ABCC4: variants seen among roughly 807,000 people sequenced by gnomAD.
The protein encoded by ABCC4 is ATP binding cassette subfamily C member 4 (PEL blood group).
ABCC4 carries 102 observed loss-of-function variants against 168.5 expected under a neutral mutation model. The observed-to-expected ratio is 0.61, with a 90% CI of 0.52 to 0.71. The LOEUF (loss-of-function observed/expected upper bound fraction) is 0.71. ABCC4 is among the 30% of genes least tolerant of loss of function. ABCC4 has a pLI of 0.00. For missense variants in ABCC4, 1,402 were observed against 1,605.8 expected, an observed-to-expected ratio of 0.87 and a Z score of 2.17; for synonymous variants, 617 against 590.7, an observed-to-expected ratio of 1.04 and a Z score of -0.65.
chr13:95,098,349 T>C (rs978092097), intron 20 of ABCC4, among the ~76,000 whole-genome samples: 7 of 151,684 alleles, frequency 4.6e-5, no homozygotes, highest in Admixed American at 3.3e-4. Flanking sequence ...TTAAAAAATA[T>C]AAGAAATTAA....
intron 19 of ABCC4, among the ~76,000 whole-genome samples, chr13:95,118,505 A>C (rs1486202994): frequency 6.6e-6 from 1 of 152,136 alleles, no homozygotes; most frequent in Admixed American, 6.5e-5. Context: ...CAGCCTCCCA[A>C]AGTGCTGGGA....
At chr13:95,105,130 A>ATGAT (rs2034957989) in intron 20 of ABCC4, among the ~76,000 whole-genome samples, 1 of 151,728 alleles carries the variant, frequency 6.6e-6, no homozygotes, top group Non-Finnish European at 1.5e-5. Flanking sequence ...ACAATGACAG[A>ATGAT]TGATCAGGCA....
At chr13:95,103,063 G>A (rs576870601) in intron 20 of ABCC4, among the ~76,000 whole-genome samples, 1 of 150,988 alleles carries the variant, frequency 6.6e-6, no homozygotes, top group Non-Finnish European at 1.5e-5. Context: ...TCAGGAGTTC[G>A]AGACCAGCCG....
chr13:95,280,572 TAAAAAAAAA>T (rs61654581), intron 1 of ABCC4, among the ~76,000 whole-genome samples: 1 of 131,032 alleles, frequency 7.6e-6, no homozygotes, highest in Admixed American at 7.8e-5. Context: ...TGCCTTCTAT[TAAAAAAAAA>T]AAAAAAAAAA....
chr13:95,193,421 T>C (rs1566511900), intron 9 of ABCC4, among the ~76,000 whole-genome samples: 1 of 152,300 alleles, frequency 6.6e-6, no homozygotes, highest in East Asian at 1.9e-4. Context: ...GCCACTGGGC[T>C]CTGCTCCTGG....
chr13:95,127,709 G>GCCCTTAT (rs748614681), intron 19 of ABCC4, among the ~76,000 whole-genome samples: 59 of 152,122 alleles, frequency 3.9e-4, no homozygotes, highest in Non-Finnish European at 7.8e-4. Context: ...GTGATCTCAT[G>GCCCTTAT]CCCTTGTGGT....
At chr13:95,026,513 GA>G (rs1161582135) in intron 30 of ABCC4, among the ~76,000 whole-genome samples, 3 of 151,852 alleles carry the variant, frequency 2.0e-5, no homozygotes, top group Admixed American at 2.0e-4. Flanking sequence ...TAAACTTCCA[GA>G]AAAAAAAGAA....
intron 15 of ABCC4, 32 bp downstream of exon 15, chr13:95,166,126 C>T (rs757310453): frequency 1.3e-6 from 2 of 1,580,026 alleles, no homozygotes; most frequent in East Asian, 2.2e-5. Flanking sequence ...GTGAACAAAA[C>T]CAGGCCATGT....
chr13:95,040,959 C>T (rs1328132111), intron 29 of ABCC4, among the ~76,000 whole-genome samples: 2 of 152,220 alleles, frequency 1.3e-5, no homozygotes, highest in Admixed American at 1.3e-4. Context: ...CGTTCACTCA[C>T]ACTACCAGGG....
chr13:95,126,763 A>ATATATT (rs372083085), intron 19 of ABCC4, among the ~76,000 whole-genome samples: 3 of 45,674 alleles, frequency 6.6e-5, no homozygotes, highest in Non-Finnish European at 1.1e-4. Context: ...ATTCCAAAAT[A>ATATATT]TATATATATT....
At chr13:95,138,892 CT>C in intron 19 of ABCC4, among the ~76,000 whole-genome samples, 1 of 152,360 alleles carries the variant, frequency 6.6e-6, no homozygotes, top group East Asian at 1.9e-4. Context: ...TCCACGCCAG[CT>C]GGGCAGCTCC....
chr13:95,299,531 T>A (rs1216439140), intron 1 of ABCC4, among the ~76,000 whole-genome samples: 1 of 152,110 alleles, frequency 6.6e-6, no homozygotes, highest in Non-Finnish European at 1.5e-5. Context: ...GCCAAATTCG[T>A]AAGCTTTCTT....
chr13:95,048,315 T>G (rs2032682876), intron 27 of ABCC4, among the ~76,000 whole-genome samples: 1 of 152,116 alleles, frequency 6.6e-6, no homozygotes, highest in Non-Finnish European at 1.5e-5. Flanking sequence ...TTAGAAAAAA[T>G]AGGAAACTAC....
At chr13:95,025,178 C>T (rs1193204876) in intron 30 of ABCC4, among the ~76,000 whole-genome samples, 1 of 144,080 alleles carries the variant, frequency 6.9e-6, no homozygotes, top group Non-Finnish European at 1.5e-5. Context: ...CACACACACA[C>T]CCACACACAC....
intron 25 of ABCC4, among the ~76,000 whole-genome samples, chr13:95,069,467 T>C (rs538426355): frequency 3.9e-5 from 6 of 152,312 alleles, no homozygotes; most frequent in Admixed American, 1.3e-4. Context: ...TAAAGTAACA[T>C]AAAATTGATC....
At chr13:95,156,360 G>A (rs1347640387) in intron 19 of ABCC4, among the ~76,000 whole-genome samples, 1 of 152,184 alleles carries the variant, frequency 6.6e-6, no homozygotes, top group African/African-American at 2.4e-5. Context: ...GCAATGAGGT[G>A]CTCTTACATT....
intron 20 of ABCC4, among the ~76,000 whole-genome samples, chr13:95,110,308 C>A (rs78565195): frequency 0.015 from 1,552 of 103,808 alleles, no homozygotes; most frequent in Middle Eastern, 0.024. Flanking sequence ...GACTCTGTCT[C>A]AAAAAAAAAA....
chr13:95,053,529 G>A lies in ABCC4; in HGVS notation c.3367-345C>T, dbSNP rs571002211. Among the ~76,000 whole-genome samples the A allele has an allele frequency of 7.9e-5, 12 of 152,266 alleles. No homozygotes were observed. The East Asian group carries it at 2.1e-3, about 27-fold the overall frequency. On this transcript the variant is annotated intron_variant, in intron 26 of 30. Transcript: ENST00000645237. ...TTATTCGAGGGTCTACATGAATAGA[G>A]CTATAGAAATTAACTATCAATCATG...
chr13:95,258,999 G>A (rs1421608498), intron 1 of ABCC4, among the ~76,000 whole-genome samples: 1 of 152,146 alleles, frequency 6.6e-6, no homozygotes, highest in Non-Finnish European at 1.5e-5. Flanking sequence ...AAGGAGGTAG[G>A]CTGCTCAGAG....
Sources: gnomAD v4.1 joint callset for allele counts (sites outside exome capture counted in the v4.1 genomes callset) on GRCh38, gnomAD v4.1.1 for gene constraint, MANE v1.5 for transcripts, NCBI Gene and HGNC (gene_info 2026-07-23, HGNC 2026-07-21) for gene names.